MAML2: variants seen among roughly 807,000 people sequenced by gnomAD.
MAML2 encodes the protein mastermind-like protein 2.
A neutral mutation model predicts 96.1 loss-of-function variants in MAML2; 22 were observed. The observed-to-expected ratio is 0.23, with a 90% CI of 0.16 to 0.33. The LOEUF (loss-of-function observed/expected upper bound fraction) is 0.33, where lower values mean the gene tolerates loss of function less well. Among genes scored for constraint, MAML2 ranks in the 10% least tolerant of loss-of-function variants. MAML2 has a pLI of 1.00. For synonymous variants in MAML2, 561 were observed against 521.3 expected (o/e 1.08, Z -1.04); for missense variants, 1,367 against 1,392.4 (o/e 0.98, Z 0.29).
At chr11:96,051,128 C>G (rs559296870) in intron 2 of MAML2, among the ~76,000 whole-genome samples, 2 of 152,112 alleles carry the variant, frequency 1.3e-5, no homozygotes, top group Non-Finnish European at 2.9e-5. Flanking sequence ...TTCTGTAGTG[C>G]CTTTATCTAT....
intron 1 of MAML2, among the ~76,000 whole-genome samples, chr11:96,103,696 A>G (rs901144277): frequency 1.3e-5 from 2 of 152,114 alleles, no homozygotes; most frequent in Non-Finnish European, 2.9e-5. Context: ...CTCAGGTCAC[A>G]TTCTTCATTC....
chr11:96,174,733 C>T (rs1861354911), intron 1 of MAML2, among the ~76,000 whole-genome samples: 2 of 152,232 alleles, frequency 1.3e-5, no homozygotes, highest in Admixed American at 1.3e-4. Flanking sequence ...GTGAAACAAT[C>T]TCCTTGAGAA....
rs1230659218 is a variant in MAML2 at position 96,162,373 on chromosome 11, G to A, written c.514-68856C>T. Among the ~76,000 whole-genome samples, 7 of 151,684 alleles carry A rather than the reference G, an allele frequency of 4.6e-5. No individual in the cohort carries two copies. In the South Asian group the frequency reaches 1.0e-3, roughly 22 times the overall value. ...AGAGATCTTCCAGACCAGATCTAGCGATTGCTATGCTCCCGGAATTGTAGT... is the reference window on the plus strand; with the variant it reads ...AGAGATCTTCCAGACCAGATCTAGCAATTGCTATGCTCCCGGAATTGTAGT... On this transcript the variant is annotated intron_variant, in intron 1 of 4. Coordinates refer to ENST00000524717, the MANE Select transcript of MAML2 (RefSeq NM_032427.4).
intron 1 of MAML2, among the ~76,000 whole-genome samples, chr11:96,299,061 AT>A (rs1482647953): frequency 8.0e-4 from 44 of 55,040 alleles, no homozygotes; most frequent in African/African-American, 4.4e-3. Context: ...AAAAAAAAAA[AT>A]ATATATATAT....
chr11:96,337,141 TCTC>T (rs1192731696), intron 1 of MAML2, among the ~76,000 whole-genome samples: 3 of 152,086 alleles, frequency 2.0e-5, no homozygotes, highest in Non-Finnish European at 2.9e-5. Flanking sequence ...AGATAAGAAT[TCTC>T]CTTTTTTTTT....
rs1482172276 is a variant in MAML2 at position 96,342,412 on chromosome 11, CTA to C, written c.-519_-518del. The stretch of plus-strand genomic sequence containing the variant: ...GCAGAGAAACACATTTCTACCATGT[CTA>C]TGTAACCAGCAGCCTTGACTTTTCC... On this transcript the variant is annotated 5_prime_UTR_variant, in exon 1 of 5. Coordinates refer to ENST00000524717, the MANE Select transcript of MAML2 (RefSeq NM_032427.4). 3 of 399,016 alleles carry C rather than the reference CTA, an allele frequency of 7.5e-6. No homozygotes were observed. Among genetic ancestry groups the C allele is most frequent in the Non-Finnish European group, 1.3e-5 (3 of 226,494 alleles). 24.7% of individuals were successfully genotyped at this position (399,016 alleles called of 1,614,324 possible).
rs1225989958 is a variant in MAML2, at chr11:96,092,507, T to C, written c.1524A>G (p.Lys508=). The C allele has an allele frequency of 5.0e-6, 8 of 1,597,572 alleles. No homozygotes were observed. Among genetic ancestry groups the C allele is most frequent in the Non-Finnish European group, 6.8e-6 (8 of 1,169,972 alleles). ...CCTTGTACATGTAGTTAGCCATTAC[T>C]TTCGACTGGCCGCTGCCGCCAGCTA... ...PGVAGGSGQS[K]VMANYMYKAG... Residue 508 remains lysine, a synonymous_variant, in exon 2 of 5, where the codon AAA becomes AAG. Coordinates refer to ENST00000524717, the MANE Select transcript of MAML2 (RefSeq NM_032427.4). The surrounding 1 kb of genome is among the most constrained non-coding windows in gnomAD (Gnocchi z 4.1).
At chr11:96,243,354 T>C (rs955907867) in intron 1 of MAML2, among the ~76,000 whole-genome samples, 6 of 152,158 alleles carry the variant, frequency 3.9e-5, no homozygotes, top group Non-Finnish European at 8.8e-5. Context: ...GGGAATTGCC[T>C]GCACTCCTTA....
chr11:95,999,182 T>C (rs1320371997), intron 2 of MAML2, among the ~76,000 whole-genome samples: 1 of 152,152 alleles, frequency 6.6e-6, no homozygotes, highest in Non-Finnish European at 1.5e-5. Context: ...AAAGAAATAG[T>C]ATGTGTGAAG....
chr11:96,285,066 T>TA (rs566474924), intron 1 of MAML2, among the ~76,000 whole-genome samples: 1 of 151,812 alleles, frequency 6.6e-6, no homozygotes, highest in South Asian at 2.1e-4. Flanking sequence ...CAGAGAAAGG[T>TA]TAAGGAACTT....
chr11:96,266,604 G>A (rs1017679799), intron 1 of MAML2, among the ~76,000 whole-genome samples: 5 of 151,880 alleles, frequency 3.3e-5, no homozygotes, highest in Admixed American at 6.6e-5. Context: ...ATATTGGTGC[G>A]ATTCTGAGCT....
intron 1 of MAML2, among the ~76,000 whole-genome samples, chr11:96,307,438 T>C (rs1863479913): frequency 1.3e-5 from 2 of 152,218 alleles, no homozygotes; most frequent in Non-Finnish European, 2.9e-5. Context: ...TTCCTTAATG[T>C]GCCTTGCTGC....
chr11:96,009,390 A>G (rs1001500542), intron 2 of MAML2, among the ~76,000 whole-genome samples: 1 of 152,214 alleles, frequency 6.6e-6, no homozygotes, highest in African/African-American at 2.4e-5. Flanking sequence ...GGAAGGTGCT[A>G]ATCTTTGAAT....
chr11:96,120,978 C>T (rs920977932), intron 1 of MAML2, among the ~76,000 whole-genome samples: 2 of 152,158 alleles, frequency 1.3e-5, no homozygotes, highest in African/African-American at 4.8e-5. Context: ...AGGGCAAGTG[C>T]TGTGATTTTG....
intron 2 of MAML2, among the ~76,000 whole-genome samples, chr11:96,045,879 T>C: frequency 6.6e-6 from 1 of 151,412 alleles, no homozygotes; most frequent in East Asian, 1.9e-4. Context: ...CCTCTTTATT[T>C]TTCTCCCAGT....
intron 1 of MAML2, among the ~76,000 whole-genome samples, chr11:96,156,599 T>C (rs556409793): frequency 6.6e-6 from 1 of 152,352 alleles, no homozygotes; most frequent in South Asian, 2.1e-4. Flanking sequence ...AAGCCTTTCA[T>C]GCTTCATTTT....
chr11:95,997,590 C>G (rs916811642), intron 2 of MAML2, among the ~76,000 whole-genome samples: 1 of 152,150 alleles, frequency 6.6e-6, no homozygotes, highest in African/African-American at 2.4e-5. Flanking sequence ...TAAAAAGATA[C>G]TGAAGGGACT....
At chr11:96,161,635 A>G (rs1049058745) in intron 1 of MAML2, among the ~76,000 whole-genome samples, 9 of 152,224 alleles carry the variant, frequency 5.9e-5, no homozygotes, top group Non-Finnish European at 4.4e-5. Context: ...ACATGATCTC[A>G]GGGTCTATTC....
chr11:96,234,837 A>G (rs1862345506), intron 1 of MAML2, among the ~76,000 whole-genome samples: 1 of 152,232 alleles, frequency 6.6e-6, no homozygotes, highest in African/African-American at 2.4e-5. Context: ...TCTGAAAAAA[A>G]GATACGTACT....
Sources: gnomAD v4.1 joint callset for allele counts (sites outside exome capture counted in the v4.1 genomes callset) on GRCh38, gnomAD v4.1.1 for gene constraint, Gnocchi (gnomAD v3.1) non-coding constraint, MANE v1.5 for transcripts, NCBI Gene and HGNC (gene_info 2026-07-23, HGNC 2026-07-21) for gene names.